NCOA6: variants seen among roughly 807,000 people sequenced by gnomAD.
NCOA6 encodes NRC RAP250.
NCOA6 carries 49 observed loss-of-function variants against 171.4 expected under a neutral mutation model. The ratio of observed to expected loss-of-function variants is 0.29; its 90% CI spans 0.23 to 0.36. The LOEUF is 0.36. Among genes scored for constraint, NCOA6 ranks in the 10% least tolerant of loss-of-function variants. The pLI, the probability that NCOA6 is intolerant of heterozygous loss-of-function variation, is 1.00. For missense variants in NCOA6, 2,248 were observed against 2,554.5 expected (o/e 0.88, Z 2.59); for synonymous variants, 910 against 927.5 (o/e 0.98, Z 0.34).
chr20:34,816,218 T>C (rs1364034930), intron 1 of NCOA6, among the ~76,000 whole-genome samples: 1 of 152,218 alleles, frequency 6.6e-6, no homozygotes, highest in Non-Finnish European at 1.5e-5. Context: ...AATGCCTCTA[T>C]GTTATCTCAA....
At chr20:34,751,030 T>C (rs1367039637) in intron 8 of NCOA6, among the ~76,000 whole-genome samples, 1 of 151,462 alleles carries the variant, frequency 6.6e-6, no homozygotes, top group African/African-American at 2.4e-5. Context: ...TAAATTAAAT[T>C]AAATTCAAAA....
chr20:34,739,715 C>T lies in NCOA6; in HGVS notation c.5893+648G>A, dbSNP rs193017161. ...ACGTCTTTGAGCTTCAATCTTCTCA[C>T]CCATACAATGGGGTTAAGAATATCT... is the stretch of plus-strand genomic sequence containing the variant. On this transcript the variant is annotated intron_variant, in intron 11 of 14. Transcript: ENST00000359003. Among the ~76,000 whole-genome samples, 3 of 152,288 alleles carry T rather than the reference C, an allele frequency of 2.0e-5. No homozygotes were observed. The East Asian group carries it at 5.8e-4, about 29-fold the overall frequency.
chr20:34,782,055 A>T lies in NCOA6; in HGVS notation c.235+66T>A. The stretch of plus-strand genomic sequence containing the variant: ...ACAAGCTTGTTTTGTAAAACTCAAG[A>T]TAACCATGGAAGGGCAAACATTTCA... On this transcript the variant is annotated intron_variant, in intron 3 of 14. Transcript: ENST00000359003. The T allele has an allele frequency of 3.5e-6, 4 of 1,144,824 alleles. No individual in the cohort carries two copies. In the South Asian group the frequency reaches 6.5e-5, roughly 19 times the overall value. The allele number at this position is 1,144,824 out of a possible 1,614,324, so 70.9% of individuals were successfully genotyped here.
chr20:34,721,435 T>C (rs1364265465), intron 14 of NCOA6, among the ~76,000 whole-genome samples: 1 of 47,598 alleles, frequency 2.1e-5, no homozygotes, highest in Non-Finnish European at 4.3e-5. Flanking sequence ...TGGCTGTTCA[T>C]TTCTATCCTT....
intron 1 of NCOA6, chr20:34,819,228 C>T (rs1284747837): frequency 2.0e-5 from 3 of 152,034 alleles, no homozygotes; most frequent in South Asian, 2.1e-4. Context: ...AATTAAATGT[C>T]TGCAGGGCCA....
intron 6 of NCOA6, 55 bp downstream of exon 6, chr20:34,758,750 A>G: frequency 1.3e-6 from 2 of 1,545,716 alleles, no homozygotes; most frequent in South Asian, 2.4e-5. Context: ...GAATTTTATA[A>G]TGATCTGTGC....
chr20:34,740,843 C>T lies in NCOA6; in HGVS notation c.5413G>A (p.Gly1805Ser). The T allele has an allele frequency of 6.2e-7, 1 of 1,614,212 alleles. No individual in the cohort carries two copies. The highest frequency in any genetic ancestry group is 1.1e-5 in the South Asian group (1 of 91,086). Residue 1805 changes from glycine to serine, a missense_variant, in exon 11 of 15, where the codon GGC becomes AGC. This residue lies in a region of NCOA6 where 884 missense variants were observed against 941.9 expected (regional missense o/e 0.94). Transcript: ENST00000359003. ...GACGAGACTGGGCTTCGCCGGTTGC[C>T]AGAGGACCCTGGACTATTGGTCAAA... The part of the protein sequence containing the change: ...PLLTNSPGSS[G>S]NRRSPVSSSK...
intron 2 of NCOA6, among the ~76,000 whole-genome samples, chr20:34,786,006 AG>A (rs1182393010): frequency 6.6e-6 from 1 of 152,168 alleles, no homozygotes; most frequent in African/African-American, 2.4e-5. Flanking sequence ...CCTCAATTTC[AG>A]AACTTGTTAA....
intron 13 of NCOA6, among the ~76,000 whole-genome samples, chr20:34,728,731 C>T (rs1475297190): frequency 6.6e-6 from 1 of 152,072 alleles, no homozygotes; most frequent in Non-Finnish European, 1.5e-5. Context: ...AAATACCTAA[C>T]GATAGTAGAT....
chr20:34,770,305 G>A (rs541452918), intron 4 of NCOA6, among the ~76,000 whole-genome samples: 2 of 151,998 alleles, frequency 1.3e-5, no homozygotes, highest in Non-Finnish European at 2.9e-5. Flanking sequence ...GATTACAGGC[G>A]TGAGCCACCA....
chr20:34,817,912 A>G (rs904690158), intron 1 of NCOA6, among the ~76,000 whole-genome samples: 4 of 152,166 alleles, frequency 2.6e-5, no homozygotes, highest in Admixed American at 2.6e-4. Flanking sequence ...ACTTCCCACT[A>G]CCTAGTCAAT....
chr20:34,769,330 C>T (rs2077070083), intron 4 of NCOA6, among the ~76,000 whole-genome samples: 1 of 151,952 alleles, frequency 6.6e-6, no homozygotes, highest in Admixed American at 6.6e-5. Context: ...GTTGCTGGGA[C>T]CACAGGCGCA....
chr20:34,787,760 G>A (rs1199088985), intron 2 of NCOA6, among the ~76,000 whole-genome samples: 1 of 152,222 alleles, frequency 6.6e-6, no homozygotes, highest in Non-Finnish European at 1.5e-5. Flanking sequence ...CTCTATTGAA[G>A]CTGCAGTGTT....
chr20:34,721,243 A>C (rs1259743863), intron 14 of NCOA6, among the ~76,000 whole-genome samples: 2 of 45,616 alleles, frequency 4.4e-5, no homozygotes, highest in African/African-American at 1.6e-4. Context: ...CTATACAAAA[A>C]AAAAAAAAAA....
chr20:34,810,533 A>AT (rs1175807255), intron 1 of NCOA6, among the ~76,000 whole-genome samples: 4 of 151,998 alleles, frequency 2.6e-5, no homozygotes, highest in Non-Finnish European at 5.9e-5. Flanking sequence ...CCTAACGCCC[A>AT]TGCAACCATT....
chr20:34,788,118 T>G (rs1202872160), intron 2 of NCOA6, among the ~76,000 whole-genome samples: 1 of 147,830 alleles, frequency 6.8e-6, no homozygotes, highest in East Asian at 2.0e-4. Flanking sequence ...CCGCCCACCT[T>G]GGCCTCCTAC....
intron 13 of NCOA6, among the ~76,000 whole-genome samples, chr20:34,727,833 C>G (rs1285126689): frequency 6.6e-6 from 1 of 151,812 alleles, no homozygotes; most frequent in Non-Finnish European, 1.5e-5. Context: ...AGGCAATTCA[C>G]CTGCCTCAGC....
intron 1 of NCOA6, among the ~76,000 whole-genome samples, chr20:34,823,251 C>T (rs2079058552): frequency 1.3e-5 from 2 of 152,234 alleles, no homozygotes; most frequent in East Asian, 3.9e-4. Flanking sequence ...GGCGCGGTGG[C>T]TCACGCCTGT....
At chr20:34,812,172 G>A (rs547655865) in intron 1 of NCOA6, among the ~76,000 whole-genome samples, 1 of 151,840 alleles carries the variant, frequency 6.6e-6, no homozygotes, top group East Asian at 1.9e-4. Flanking sequence ...AGAATCTCTT[G>A]AACCAGGGAG....
Sources: allele counts gnomAD v4.1 joint callset (sites outside exome capture counted in the v4.1 genomes callset), GRCh38; gene constraint gnomAD v4.1.1; regional missense constraint gnomAD v4.1.1; transcripts MANE v1.5; gene names NCBI Gene and HGNC (gene_info 2026-07-23, HGNC 2026-07-21).